Variants in CSNK1G1 observed in about 807,000 individuals in gnomAD.
CSNK1G1 encodes the protein casein kinase I isoform gamma-1.
CSNK1G1 carries 22 observed loss-of-function variants against 59.6 expected under a neutral mutation model. That is an observed-to-expected ratio of 0.37 (90% CI 0.26 to 0.53). CSNK1G1 has a LOEUF of 0.53. Among genes scored for constraint, CSNK1G1 ranks in the 20% least tolerant of loss-of-function variants. The pLI is 0.89. For missense variants in CSNK1G1, 384 were observed against 519.5 expected (o/e 0.74, Z 2.54); for synonymous variants, 179 against 177.1 (o/e 1.01, Z -0.08).
intron 9 of CSNK1G1, 75 bp from the exon 10 acceptor site, chr15:64,203,264 C>T: frequency 1.1e-6 from 1 of 895,140 alleles, no homozygotes; most frequent in South Asian, 1.4e-5. Context: ...CAGAATGATT[C>T]TAATTCTAAT....
Position 64,176,063 on chromosome 15 carries a change from G to A in CSNK1G1, c.1215-4078C>T, listed in dbSNP as rs2081738335. ...GAGGAGACAGCGATAAGATGGGTTT[G>A]AAAGAAGGAATAGATTAATTCCTGG... On this transcript the variant is annotated intron_variant, in intron 11 of 11. Transcript: ENST00000303052. This position sits in a 1 kb window ranked among gnomAD's most constrained non-coding sequence, Gnocchi z 5.2. 6.6e-6 allele frequency among the ~76,000 whole-genome samples: 1 copy of A among 152,224 alleles called. No individual in the cohort carries two copies.
chr15:64,194,613 G>A lies in CSNK1G1; in HGVS notation c.1107+8469C>T, dbSNP rs182605260. Among the ~76,000 whole-genome samples the A allele has an allele frequency of 6.3e-4, 95 of 150,880 alleles. No homozygotes were observed. In the Middle Eastern group the frequency reaches 0.01, roughly 16 times the overall value. Reference sequence around the variant, plus strand: ...GCTCACTGCAAACTCTGACTCCTGGGTCAAGCGATTCTCCTACCTCAGCCT... The same window carrying A: ...GCTCACTGCAAACTCTGACTCCTGGATCAAGCGATTCTCCTACCTCAGCCT... On this transcript the variant is annotated intron_variant, in intron 10 of 11. Coordinates refer to ENST00000303052, the MANE Select transcript of CSNK1G1 (RefSeq NM_022048.5).
chr15:64,195,267 A>G (rs1424490893), intron 10 of CSNK1G1, among the ~76,000 whole-genome samples: 1 of 152,258 alleles, frequency 6.6e-6, no homozygotes, highest in African/African-American at 2.4e-5. Flanking sequence ...TTAATAGTCA[A>G]TATGACTCTC....
chr15:64,224,599 G>T (rs2140280659), intron 4 of CSNK1G1, among the ~76,000 whole-genome samples: 1 of 152,240 alleles, frequency 6.6e-6, no homozygotes, highest in Non-Finnish European at 1.5e-5. Flanking sequence ...TTAAACATAT[G>T]AATTTACTCA....
At position 64,271,078 on chromosome 15, in the gene CSNK1G1, G is replaced by A. The variant is rs8029419; in HGVS notation, c.182-11837C>T. On this transcript the variant is annotated intron_variant, in intron 2 of 11. Transcript: ENST00000303052. ...GCTCACTGCAACCTCTGCCTCCTGC[G>A]TTCAAGTGATTCTCCTGACTCAGTC... Among the ~76,000 whole-genome samples the A allele has an allele frequency of 8.4e-3, 1,277 of 151,892 alleles. 19 individuals are homozygous for A. The highest frequency in any genetic ancestry group is 0.029 in the African/African-American group (1,197 of 41,394).
At chr15:64,278,444 TTG>T (rs1422976941) in intron 2 of CSNK1G1, among the ~76,000 whole-genome samples, 1 of 148,012 alleles carries the variant, frequency 6.8e-6, no homozygotes, top group African/African-American at 2.5e-5. Context: ...TTTTTTTTTT[TTG>T]GACACAGAGT....
Position 64,165,687 on chromosome 15 carries a change from GAGATTAAAAAC to G in CSNK1G1, c.*6233_*6243del. On this transcript the variant is annotated 3_prime_UTR_variant, in exon 12 of 12. Coordinates refer to ENST00000303052, the MANE Select transcript of CSNK1G1 (RefSeq NM_022048.5). ...ATTGTTAATTACAAATGAGCCGAGG[GAGATTAAAAAC>G]AGACAAACCAATCAACCAACCAAAC... The G allele has an allele frequency of 4.7e-6, 1 of 213,850 alleles. No homozygotes were observed. The highest frequency in any genetic ancestry group is 1.6e-3 in the Middle Eastern group (1 of 612). The allele number at this position is 213,850 out of a possible 1,614,324, so 13.2% of individuals were successfully genotyped here. A position where few individuals can be genotyped will look rare whatever the true frequency, so the allele number is the denominator to read the frequency against.
At chr15:64,175,959 C>G (rs1221282109) in intron 11 of CSNK1G1, among the ~76,000 whole-genome samples, 1 of 152,204 alleles carries the variant, frequency 6.6e-6, no homozygotes. Flanking sequence ...CTCTCCATAT[C>G]TGGTTGTATT....
chr15:64,187,108 A>C (rs990090091), intron 10 of CSNK1G1, among the ~76,000 whole-genome samples: 1 of 151,872 alleles, frequency 6.6e-6, no homozygotes, highest in Non-Finnish European at 1.5e-5. Flanking sequence ...GGTGCGAGCC[A>C]CCACGCCTGG....
chr15:64,336,557 T>C (rs538289126), intron 1 of CSNK1G1, among the ~76,000 whole-genome samples: 107 of 152,220 alleles, frequency 7.0e-4, no homozygotes, highest in Non-Finnish European at 1.3e-3. Context: ...CAGGAGTTCA[T>C]GACCAGCCTG....
intron 2 of CSNK1G1, among the ~76,000 whole-genome samples, chr15:64,299,306 T>C (rs1369579401): frequency 6.6e-6 from 1 of 152,020 alleles, no homozygotes; most frequent in African/African-American, 2.4e-5. Flanking sequence ...AGTATATAAA[T>C]GGCCGGGCGC....
intron 1 of CSNK1G1, among the ~76,000 whole-genome samples, chr15:64,349,917 TA>T (rs767246116): frequency 0.074 from 8,999 of 120,924 alleles, 238 homozygotes; most frequent in South Asian, 0.099. Flanking sequence ...CTCCAAAAAT[TA>T]AAAAAAAAAA....
chr15:64,332,289 G>C (rs1482181670), intron 1 of CSNK1G1, among the ~76,000 whole-genome samples: 4 of 118,248 alleles, frequency 3.4e-5, no homozygotes, highest in South Asian at 2.7e-4. Context: ...GTCCAACAAT[G>C]ATAGACTGGA....
At chr15:64,305,508 G>A (rs1340770998) in intron 1 of CSNK1G1, among the ~76,000 whole-genome samples, 1 of 151,876 alleles carries the variant, frequency 6.6e-6, no homozygotes, top group Non-Finnish European at 1.5e-5. Context: ...CTTGAGCCCA[G>A]GAGTTCAAGA....
At chr15:64,267,469 C>A (rs996102159) in intron 2 of CSNK1G1, among the ~76,000 whole-genome samples, 2 of 151,896 alleles carry the variant, frequency 1.3e-5, no homozygotes, top group African/African-American at 2.4e-5. Flanking sequence ...TAACAAAAAA[C>A]CCCAAATAAT....
chr15:64,243,787 T>C (rs1044126336), intron 4 of CSNK1G1, among the ~76,000 whole-genome samples: 2 of 152,102 alleles, frequency 1.3e-5, no homozygotes, highest in Admixed American at 6.5e-5. Context: ...GGAGGATCAC[T>C]TGAGCCTGAG....
chr15:64,233,366 C>CT lies in CSNK1G1; in HGVS notation c.293-16654dup, dbSNP rs1427360459. ...AGATTCTCTCTCTCTCTCTTTCTCT[C>CT]TTTTTTTTACATTTTCCTTTCCCCA... is the stretch of plus-strand genomic sequence containing the variant. On this transcript the variant is annotated intron_variant, in intron 4 of 11. Coordinates refer to ENST00000303052, the MANE Select transcript of CSNK1G1 (RefSeq NM_022048.5). Among the ~76,000 whole-genome samples, 9 of 151,530 alleles carry CT rather than the reference C, an allele frequency of 5.9e-5. 1 individual carries two copies. Among genetic ancestry groups the CT allele is most frequent in the African/African-American group, 1.9e-4 (8 of 41,310 alleles).
chr15:64,283,366 G>A (rs962415288), intron 2 of CSNK1G1, among the ~76,000 whole-genome samples: 5 of 150,260 alleles, frequency 3.3e-5, no homozygotes, highest in Admixed American at 2.7e-4. Flanking sequence ...TTTTTGAGAC[G>A]GAGCCTCACT....
chr15:64,317,368 C>T lies in CSNK1G1; in HGVS notation c.-224-16645G>A, dbSNP rs547223485. On this transcript the variant is annotated intron_variant, in intron 1 of 11. Coordinates refer to ENST00000303052, the MANE Select transcript of CSNK1G1 (RefSeq NM_022048.5). ...CCTCCCAAAGTGCTGGGATTACAGG[C>T]GTGAGCCACTGTGCCCGGCCTAAAG... Among the ~76,000 whole-genome samples, 7 of 152,242 alleles carry T rather than the reference C, an allele frequency of 4.6e-5. No individual in the cohort carries two copies. In the South Asian group the frequency reaches 1.5e-3, roughly 32 times the overall value.
Sources: gnomAD v4.1 joint callset for allele counts (sites outside exome capture counted in the v4.1 genomes callset) on GRCh38, gnomAD v4.1.1 for gene constraint, Gnocchi (gnomAD v3.1) non-coding constraint, MANE v1.5 for transcripts, NCBI Gene and HGNC (gene_info 2026-07-23, HGNC 2026-07-21) for gene names.